Variants in KCNAB1 observed in about 807,000 individuals in gnomAD.
KCNAB1 encodes potassium voltage-gated channel subfamily A regulatory beta subunit 1, also known as voltage-gated potassium channel subunit beta-1.
In KCNAB1, 35 loss-of-function variants were observed where a neutral mutation model predicts 64.6. That is an observed-to-expected ratio of 0.54 (90% confidence interval 0.41 to 0.72). The LOEUF (loss-of-function observed/expected upper bound fraction) is 0.72, where lower values mean the gene tolerates loss of function less well. KCNAB1 is among the 30% of genes least tolerant of loss of function. KCNAB1 has a pLI of 0.00. For synonymous variants in KCNAB1, 177 were observed against 183.8 expected, an observed-to-expected ratio of 0.96 and a Z score of 0.30; for missense variants, 401 against 512.9, an observed-to-expected ratio of 0.78 and a Z score of 2.11.
intron 1 of KCNAB1, among the ~76,000 whole-genome samples, chr3:156,381,349 G>A (rs938336966): frequency 1.2e-4 from 19 of 152,220 alleles, no homozygotes; most frequent in South Asian, 1.0e-3. Flanking sequence ...TTTTAGAGAA[G>A]AGTCCCAGTA....
At chr3:156,140,967 C>T (rs1322051066) in intron 1 of KCNAB1, among the ~76,000 whole-genome samples, 3 of 151,624 alleles carry the variant, frequency 2.0e-5, no homozygotes, top group East Asian at 1.9e-4. Context: ...GCTGTTAGAC[C>T]GAATGAACAG....
At chr3:156,122,209 T>C (rs971171128) in intron 1 of KCNAB1, among the ~76,000 whole-genome samples, 4 of 152,198 alleles carry the variant, frequency 2.6e-5, no homozygotes, top group African/African-American at 9.7e-5. Context: ...AAAGAAAGTT[T>C]GAATGAGCTT....
At chr3:156,430,529 C>T in intron 2 of KCNAB1, among the ~76,000 whole-genome samples, 1 of 152,176 alleles carries the variant, frequency 6.6e-6, no homozygotes, top group East Asian at 1.9e-4. Context: ...AAGACGATCT[C>T]ACTAAACATC....
intron 10 of KCNAB1, among the ~76,000 whole-genome samples, chr3:156,515,765 A>G (rs982423241): frequency 6.6e-6 from 1 of 152,242 alleles, no homozygotes; most frequent in Non-Finnish European, 1.5e-5. Context: ...AAGATGAACA[A>G]GCCACATTTT....
intron 1 of KCNAB1, among the ~76,000 whole-genome samples, chr3:156,155,210 C>G (rs1715647740): frequency 6.6e-6 from 1 of 152,122 alleles, no homozygotes; most frequent in East Asian, 1.9e-4. Flanking sequence ...CCTATCCCCC[C>G]TGCCCTGCCA....
At chr3:156,502,531 ACCACACAC>A (rs1298861670) in intron 8 of KCNAB1, among the ~76,000 whole-genome samples, 1 of 106,082 alleles carries the variant, frequency 9.4e-6, no homozygotes, top group Non-Finnish European at 1.8e-5. Flanking sequence ...CTACCTTACA[ACCACACAC>A]ACACACACAC....
intron 1 of KCNAB1, among the ~76,000 whole-genome samples, chr3:156,363,844 G>C (rs1725778325): frequency 6.6e-6 from 1 of 152,132 alleles, no homozygotes; most frequent in Admixed American, 6.6e-5. Context: ...CAGAATCTCA[G>C]ATTAACCCAA....
At chr3:156,502,532 C>CA (rs1716517378) in intron 8 of KCNAB1, among the ~76,000 whole-genome samples, 3 of 142,810 alleles carry the variant, frequency 2.1e-5, no homozygotes, top group African/African-American at 5.1e-5. Context: ...TACCTTACAA[C>CA]CACACACACA....
chr3:156,316,847 A>T (rs530181723), intron 1 of KCNAB1, among the ~76,000 whole-genome samples: 4 of 152,346 alleles, frequency 2.6e-5, no homozygotes, highest in African/African-American at 9.6e-5. Flanking sequence ...AACTCCAAAG[A>T]TGAAATCCAT....
chr3:156,126,932 C>T (rs1418555218), intron 1 of KCNAB1, among the ~76,000 whole-genome samples: 2 of 152,206 alleles, frequency 1.3e-5, no homozygotes, highest in Admixed American at 1.3e-4. Flanking sequence ...ATGATCTATG[C>T]CCTTGCTATT....
chr3:156,487,199 C>T (rs555365097), intron 8 of KCNAB1, among the ~76,000 whole-genome samples: 19 of 152,018 alleles, frequency 1.2e-4, no homozygotes, highest in Non-Finnish European at 2.2e-4. Context: ...GCTTAAGATT[C>T]GAGTCTCCAT....
At chr3:156,278,051 G>C (rs559243428) in intron 1 of KCNAB1, among the ~76,000 whole-genome samples, 1 of 152,090 alleles carries the variant, frequency 6.6e-6, no homozygotes, top group Non-Finnish European at 1.5e-5. Context: ...GAACTTAACT[G>C]TTACAGAATT....
intron 1 of KCNAB1, among the ~76,000 whole-genome samples, chr3:156,196,054 C>T (rs1713905969): frequency 6.6e-6 from 1 of 152,122 alleles, no homozygotes; most frequent in African/African-American, 2.4e-5. Flanking sequence ...ATCCTTTCCC[C>T]ATTTCTTGTT....
rs190851039 is a variant in KCNAB1, at chr3:156,374,876, C to T, written c.276-46740C>T. Among the ~76,000 whole-genome samples the T allele has an allele frequency of 6.7e-3, 905 of 135,778 alleles. 274 individuals are homozygous for T. The highest frequency in any genetic ancestry group is 0.026 in the African/African-American group (804 of 30,450). 89.1% of individuals were successfully genotyped at this position (135,778 alleles called of 152,430 possible). A position where few individuals can be genotyped will look rare whatever the true frequency, so the allele number is the denominator to read the frequency against. On this transcript the variant is annotated intron_variant, in intron 1 of 13. Transcript: ENST00000490337. ...AAAAATACAGATTAAGTGCCTAGCACGATGTTCTGAATATAAATGATTAAT... is the reference window on the plus strand; with the variant it reads ...AAAAATACAGATTAAGTGCCTAGCATGATGTTCTGAATATAAATGATTAAT...
At chr3:156,240,732 T>G (rs1020871103) in intron 1 of KCNAB1, among the ~76,000 whole-genome samples, 9 of 152,172 alleles carry the variant, frequency 5.9e-5, no homozygotes, top group Non-Finnish European at 8.8e-5. Context: ...ACTATGCCTA[T>G]CCAAGTTTTA....
intron 1 of KCNAB1, among the ~76,000 whole-genome samples, chr3:156,309,347 C>T (rs1180131505): frequency 1.3e-5 from 2 of 152,178 alleles, no homozygotes; most frequent in Non-Finnish European, 2.9e-5. Context: ...GTTGTCTTTA[C>T]CACAGAGGCC....
At chr3:156,318,649 T>C (rs890452698) in intron 1 of KCNAB1, among the ~76,000 whole-genome samples, 3 of 152,176 alleles carry the variant, frequency 2.0e-5, no homozygotes, top group African/African-American at 7.2e-5. Context: ...AATAAATACA[T>C]GTAGAAAAGA....
chr3:156,420,414 C>T (rs1715394813), intron 1 of KCNAB1, among the ~76,000 whole-genome samples: 1 of 152,134 alleles, frequency 6.6e-6, no homozygotes. Context: ...GAATGTGTTG[C>T]TTAGGTGGCA....
intron 2 of KCNAB1, among the ~76,000 whole-genome samples, chr3:156,428,787 A>G (rs1000059316): frequency 1.3e-5 from 2 of 152,152 alleles, no homozygotes; most frequent in African/African-American, 2.4e-5. Context: ...CAAGAGGACA[A>G]TTTATGCAGC....
Sources: allele counts gnomAD v4.1 joint callset (sites outside exome capture counted in the v4.1 genomes callset), GRCh38; gene constraint gnomAD v4.1.1; transcripts MANE v1.5; gene names NCBI Gene and HGNC (gene_info 2026-07-23, HGNC 2026-07-21).